Variants in WDFY3 observed in about 807,000 individuals in gnomAD.
WDFY3 encodes WD repeat and FYVE domain-containing protein 3.
WDFY3 carries 66 observed loss-of-function variants against 409.6 expected under a neutral mutation model. The ratio of observed to expected loss-of-function variants is 0.16; its 90% CI spans 0.13 to 0.20. The LOEUF is 0.20. Among genes scored for constraint, WDFY3 ranks in the 10% least tolerant of loss-of-function variants. The probability of loss-of-function intolerance (pLI) is 1.00; values close to 1 mark genes in which losing one functional copy is unlikely to be tolerated. For synonymous variants in WDFY3, 1,521 were observed against 1,537.1 expected (o/e 0.99, Z 0.25); for missense variants, 3,031 against 4,298.1 (o/e 0.71, Z 8.24).
Position 84,772,816 on chromosome 4 carries a change from A to G in WDFY3, c.4849+19T>C. On this transcript the variant is annotated intron_variant, in intron 30 of 67. Coordinates refer to ENST00000295888, the MANE Select transcript of WDFY3 (RefSeq NM_014991.6). ...ATTTAGTTGACCACTATCTTCTCCA[A>G]GCTCCAGAATCAACTTACCAGTGTC... 1 of 1,598,358 alleles carries G rather than the reference A, an allele frequency of 6.3e-7. No homozygotes were observed. Among genetic ancestry groups the G allele is most frequent in the East Asian group, 2.3e-5 (1 of 44,404 alleles).
At chr4:84,736,002 T>C (rs1262899394) in intron 42 of WDFY3, among the ~76,000 whole-genome samples, 168 bp downstream of exon 42, 1 of 152,178 alleles carries the variant, frequency 6.6e-6, no homozygotes, top group African/African-American at 2.4e-5. Context: ...CACTCATATA[T>C]AGTTTTATCA....
intron 67 of WDFY3, 117 bp downstream of exon 67, chr4:84,677,082 C>A (rs1386972040): frequency 1.7e-6 from 2 of 1,185,632 alleles, no homozygotes; most frequent in African/African-American, 3.1e-5. Flanking sequence ...CTGGTTCATA[C>A]CAACAAGGCA....
At chr4:84,782,928 A>T (rs888831354) in intron 25 of WDFY3, 35 bp downstream of exon 25, 4 of 1,596,726 alleles carry the variant, frequency 2.5e-6, no homozygotes, top group Non-Finnish European at 2.6e-6. Flanking sequence ...ATGGCAAATA[A>T]AGAAGTTTGA....
intron 2 of WDFY3, among the ~76,000 whole-genome samples, chr4:84,918,198 T>A (rs1322820943): frequency 6.6e-6 from 1 of 152,104 alleles, no homozygotes; most frequent in East Asian, 1.9e-4. Flanking sequence ...GTAATTCCAC[T>A]CCTACATTTA....
At chr4:84,693,143 G>A in intron 58 of WDFY3, 111 bp from the exon 59 acceptor site, 2 of 1,152,444 alleles carry the variant, frequency 1.7e-6, no homozygotes, top group Non-Finnish European at 1.2e-6. Context: ...GAACTATTAG[G>A]TACTATATTA....
chr4:84,772,017 A>G (rs1399957207), intron 30 of WDFY3, among the ~76,000 whole-genome samples: 1 of 152,238 alleles, frequency 6.6e-6, no homozygotes, highest in Non-Finnish European at 1.5e-5. Flanking sequence ...CGGGAAGGAC[A>G]GACATCATGG....
chr4:84,783,191 A>C, intron 24 of WDFY3, 117 bp from the exon 25 acceptor site: 1 of 946,222 alleles, frequency 1.1e-6, no homozygotes, highest in Non-Finnish European at 1.6e-6. Flanking sequence ...CCTTATCAGA[A>C]TACTGAAAAA....
chr4:84,926,200 G>A (rs1423589588), intron 2 of WDFY3, among the ~76,000 whole-genome samples: 2 of 140,550 alleles, frequency 1.4e-5, no homozygotes, highest in South Asian at 2.3e-4. Context: ...GTGAGACTCC[G>A]TCTCTAAAAG....
intron 42 of WDFY3, among the ~76,000 whole-genome samples, chr4:84,735,703 C>T (rs1381594417): frequency 6.6e-6 from 1 of 152,196 alleles, no homozygotes; most frequent in Non-Finnish European, 1.5e-5. Context: ...CTATTTCTCT[C>T]AGATCCTTTT....
intron 27 of WDFY3, among the ~76,000 whole-genome samples, chr4:84,778,302 A>G (rs1368131536): frequency 6.6e-6 from 1 of 152,160 alleles, no homozygotes; most frequent in African/African-American, 2.4e-5. Flanking sequence ...TCACTTCTAA[A>G]ATATTTGCAA....
intron 40 of WDFY3, among the ~76,000 whole-genome samples, chr4:84,737,889 C>T (rs1737732073): frequency 1.3e-5 from 2 of 152,108 alleles, no homozygotes; most frequent in South Asian, 2.1e-4. Flanking sequence ...GCTGCTAGTC[C>T]CTCACCTCAG....
intron 44 of WDFY3, among the ~76,000 whole-genome samples, chr4:84,728,022 A>T (rs944502368): frequency 6.6e-6 from 1 of 152,158 alleles, no homozygotes; most frequent in African/African-American, 2.4e-5. Flanking sequence ...GCAAAAACAG[A>T]TCAGGAAATC....
chr4:84,832,848 T>C (rs1755940449), intron 7 of WDFY3, among the ~76,000 whole-genome samples: 1 of 152,168 alleles, frequency 6.6e-6, no homozygotes, highest in Non-Finnish European at 1.5e-5. Flanking sequence ...TCTAACTTAG[T>C]TCTTTAATTT....
intron 22 of WDFY3, among the ~76,000 whole-genome samples, chr4:84,789,397 T>C (rs936029202): frequency 4.6e-5 from 7 of 152,188 alleles, no homozygotes; most frequent in Admixed American, 3.9e-4. Flanking sequence ...GGCAAAATAG[T>C]GTGTTCACCG....
intron 51 of WDFY3, among the ~76,000 whole-genome samples, chr4:84,712,475 C>T (rs1201408488): frequency 2.7e-5 from 4 of 150,676 alleles, no homozygotes; most frequent in African/African-American, 9.8e-5. Flanking sequence ...AATCCCAGCA[C>T]TTTGGGAGGC....
At chr4:84,755,830 ATTAAT>A (rs1221001751) in intron 33 of WDFY3, among the ~76,000 whole-genome samples, 9 of 152,330 alleles carry the variant, frequency 5.9e-5, no homozygotes, top group East Asian at 1.9e-4. Context: ...ATAAAATAAA[ATTAAT>A]TTAAGACTTA....
chr4:84,893,566 TTAGAGTAGG>T (rs1249763133), intron 3 of WDFY3, among the ~76,000 whole-genome samples: 1 of 152,218 alleles, frequency 6.6e-6, no homozygotes, highest in East Asian at 1.9e-4. Flanking sequence ...GATGATAAAT[TTAGAGTAGG>T]TACACCTACA....
At chr4:84,843,456 A>C (rs1350540129) in intron 5 of WDFY3, among the ~76,000 whole-genome samples, 1 of 152,164 alleles carries the variant, frequency 6.6e-6, no homozygotes, top group African/African-American at 2.4e-5. Flanking sequence ...GCTGGAGTGC[A>C]CGATCACGGC....
intron 1 of WDFY3, among the ~76,000 whole-genome samples, chr4:84,939,452 AT>A (rs1208910369): frequency 6.6e-6 from 1 of 151,952 alleles, no homozygotes; most frequent in Non-Finnish European, 1.5e-5. Flanking sequence ...TCTCATCAAA[AT>A]TTCTCCCTCA....
Sources: allele counts gnomAD v4.1 joint callset (sites outside exome capture counted in the v4.1 genomes callset), GRCh38; gene constraint gnomAD v4.1.1; transcripts MANE v1.5; gene names NCBI Gene and HGNC (gene_info 2026-07-23, HGNC 2026-07-21).